Variants in SDK1 observed in about 807,000 individuals in gnomAD.
SDK1 encodes the protein protein sidekick-1.
In SDK1, 157 loss-of-function variants were observed where a neutral mutation model predicts 245.5. That is an observed-to-expected ratio of 0.64 (90% confidence interval 0.56 to 0.73). The LOEUF (loss-of-function observed/expected upper bound fraction) is 0.73, where lower values mean the gene tolerates loss of function less well. Ranked by LOEUF, SDK1 falls within the 30% of genes least tolerant of loss-of-function variation. SDK1 has a pLI of 0.00. For synonymous variants in SDK1, 1,647 were observed against 1,278.5 expected (o/e 1.29, Z -6.15); for missense variants, 3,583 against 3,002.3 (o/e 1.19, Z -4.52).
chr7:3,755,808 A>G (rs1469289418), intron 4 of SDK1, among the ~76,000 whole-genome samples: 1 of 151,436 alleles, frequency 6.6e-6, no homozygotes, highest in Non-Finnish European at 1.5e-5. Flanking sequence ...GGTATAGTGC[A>G]TCTGACACAT....
chr7:3,759,166 T>A (rs1780022019), intron 4 of SDK1, among the ~76,000 whole-genome samples: 1 of 152,174 alleles, frequency 6.6e-6, no homozygotes, highest in African/African-American at 2.4e-5. Context: ...TATCCTGCAA[T>A]AATCAGTCAA....
At chr7:3,805,312 C>T (rs935128441) in intron 4 of SDK1, among the ~76,000 whole-genome samples, 1 of 152,092 alleles carries the variant, frequency 6.6e-6, no homozygotes, top group Admixed American at 6.5e-5. Flanking sequence ...CTGTGTAGAC[C>T]ACGTCATCTG....
At chr7:3,838,242 CAGGCACGGAAGTT>C (rs1481872493) in intron 5 of SDK1, among the ~76,000 whole-genome samples, 1 of 152,182 alleles carries the variant, frequency 6.6e-6, no homozygotes, top group East Asian at 1.9e-4. Flanking sequence ...TGCCCGGTGC[CAGGCACGGAAGTT>C]AGGGAAGTCA....
chr7:3,337,084 A>C (rs1033861143), intron 1 of SDK1, among the ~76,000 whole-genome samples: 1 of 152,230 alleles, frequency 6.6e-6, no homozygotes, highest in Non-Finnish European at 1.5e-5. Context: ...ATGAATGAGA[A>C]AGGACCATCA....
chr7:3,749,521 G>A (rs1245199875), intron 4 of SDK1, among the ~76,000 whole-genome samples: 1 of 152,038 alleles, frequency 6.6e-6, no homozygotes, highest in African/African-American at 2.4e-5. Context: ...GGCTGGTCTC[G>A]AACTCCTGAC....
At chr7:3,593,030 G>C (rs1040887441) in intron 1 of SDK1, among the ~76,000 whole-genome samples, 1 of 152,176 alleles carries the variant, frequency 6.6e-6, no homozygotes, top group Non-Finnish European at 1.5e-5. Flanking sequence ...CAAAACGAGT[G>C]TTGCAAGTGG....
chr7:3,774,214 C>CAAAAAAAA (rs35211488), intron 4 of SDK1, among the ~76,000 whole-genome samples: 1 of 70,380 alleles, frequency 1.4e-5, no homozygotes. Flanking sequence ...GACTCCATCT[C>CAAAAAAAA]AAAAAAAAAA....
intron 1 of SDK1, among the ~76,000 whole-genome samples, chr7:3,377,295 C>G (rs1381411930): frequency 6.6e-6 from 1 of 152,120 alleles, no homozygotes; most frequent in Admixed American, 6.5e-5. Flanking sequence ...TGGTCCTCAG[C>G]TAAATATCCA....
intron 4 of SDK1, among the ~76,000 whole-genome samples, chr7:3,808,156 G>A (rs1396973631): frequency 6.6e-6 from 1 of 152,214 alleles, no homozygotes; most frequent in Non-Finnish European, 1.5e-5. Context: ...GGCTAGGTGA[G>A]ATGCATGCAG....
intron 4 of SDK1, among the ~76,000 whole-genome samples, chr7:3,814,711 C>T (rs1340897043): frequency 1.3e-5 from 2 of 151,570 alleles, no homozygotes; most frequent in East Asian, 3.9e-4. Flanking sequence ...GGCAGTATGG[C>T]CATTTTCACG....
intron 5 of SDK1, among the ~76,000 whole-genome samples, chr7:3,891,597 C>T (rs577495066): frequency 6.6e-6 from 1 of 152,310 alleles, no homozygotes; most frequent in South Asian, 2.1e-4. Context: ...CGTGCATGTC[C>T]TCCTTTCTCT....
rs1464837444 is a variant in SDK1, at chr7:3,619,183, G to C, written c.402G>C (p.Leu134Phe). 1 of 1,613,964 alleles carries C rather than the reference G, an allele frequency of 6.2e-7. No individual in the cohort carries two copies. The highest frequency in any genetic ancestry group is 8.5e-7 in the Non-Finnish European group (1 of 1,179,890). ...LTCLAEGSWP[L>F]EFKWMRDDSE... is the part of the protein sequence containing the mutation. The stretch of plus-strand genomic sequence containing the variant: ...GCCTTGCCGAAGGGAGCTGGCCTTT[G>C]GAGTTCAAGTGGATGCGCGATGACA... Residue 134 changes from leucine to phenylalanine, a missense_variant, in exon 2 of 45, where the codon TTG becomes TTC. Coordinates refer to ENST00000404826, the MANE Select transcript of SDK1 (RefSeq NM_152744.4).
chr7:3,589,957 G>A (rs1371791469), intron 1 of SDK1, among the ~76,000 whole-genome samples: 1 of 152,220 alleles, frequency 6.6e-6, no homozygotes, highest in African/African-American at 2.4e-5. Flanking sequence ...GCATGTCACA[G>A]CCTGCACTTG....
rs1251103178 is a variant in SDK1 at position 3,522,698 on chromosome 7, G to T, written c.299-96382G>T. Among the ~76,000 whole-genome samples, 18 of 152,134 alleles carry T rather than the reference G, an allele frequency of 1.2e-4. No individual in the cohort carries two copies. The East Asian group carries it at 3.5e-3, about 29-fold the overall frequency. ...AGGCTGGGGGGATAGTTGACAAACC[G>T]GGGGACGTGCTATCCTAATCTGCAG... On this transcript the variant is annotated intron_variant, in intron 1 of 44. Transcript: ENST00000404826.
At chr7:3,384,165 T>G (rs1045324795) in intron 1 of SDK1, among the ~76,000 whole-genome samples, 13 of 152,308 alleles carry the variant, frequency 8.5e-5, no homozygotes, top group African/African-American at 2.9e-4. Context: ...ACTTTAATAT[T>G]GTATTAAAGC....
In SDK1 at chr7:4,238,910, T is replaced by C. The variant is rs150188906; in HGVS notation, c.6130+1126T>C. 8.5e-3 allele frequency among the ~76,000 whole-genome samples: 1,295 copies of C among 152,066 alleles called. 12 individuals are homozygous for C. Among genetic ancestry groups the C allele is most frequent in the Middle Eastern group, 0.048 (14 of 292 alleles). ...ATTAAACAGGTGGCATATTGTACTA[T>C]GCAATATTATAAACACAGTGACCTG... On this transcript the variant is annotated intron_variant, in intron 42 of 44. Coordinates refer to ENST00000404826, the MANE Select transcript of SDK1 (RefSeq NM_152744.4).
At chr7:3,578,373 C>T (rs115634320) in intron 1 of SDK1, among the ~76,000 whole-genome samples, 17 of 152,080 alleles carry the variant, frequency 1.1e-4, no homozygotes, top group African/African-American at 2.2e-4. Flanking sequence ...CGTGCTTCTG[C>T]GGAAACAGGA....
chr7:3,983,595 CGT>C (rs1381345972), intron 13 of SDK1, among the ~76,000 whole-genome samples: 2 of 152,206 alleles, frequency 1.3e-5, no homozygotes, highest in Non-Finnish European at 2.9e-5. Context: ...GAAACCAAAA[CGT>C]GTGTGACTTG....
At chr7:4,180,366 A>G (rs1782528038) in intron 35 of SDK1, among the ~76,000 whole-genome samples, 2 of 148,212 alleles carry the variant, frequency 1.3e-5, no homozygotes, top group Non-Finnish European at 3.0e-5. Flanking sequence ...CTCCAGCTCT[A>G]TGCCCAGCGC....
Sources: allele counts gnomAD v4.1 joint callset (sites outside exome capture counted in the v4.1 genomes callset), GRCh38; gene constraint gnomAD v4.1.1; transcripts MANE v1.5; gene names NCBI Gene and HGNC (gene_info 2026-07-23, HGNC 2026-07-21).